ATP5MC3: variants seen among roughly 807,000 people sequenced by gnomAD.
The protein encoded by ATP5MC3 is ATP synthase membrane subunit c locus 3.
A neutral mutation model predicts 15.6 loss-of-function variants in ATP5MC3; 6 were observed. The observed-to-expected ratio is 0.38, with a 90% CI of 0.21 to 0.76. ATP5MC3 has a LOEUF of 0.76. Among genes scored for constraint, ATP5MC3 ranks in the 30% least tolerant of loss-of-function variants. The pLI, the probability that ATP5MC3 is intolerant of heterozygous loss-of-function variation, is 0.44. For missense variants in ATP5MC3, 132 were observed against 171.2 expected (o/e 0.77, Z 1.28); for synonymous variants, 66 against 63.3 (o/e 1.04, Z -0.20).
chr2:175,181,563 C>G (rs1700774254), intron 1 of ATP5MC3, 93 bp downstream of exon 1: 1 of 789,602 alleles, frequency 1.3e-6, no homozygotes, highest in Admixed American at 2.9e-5. Flanking sequence ...CAGCTTGGGC[C>G]CCGTGCCCAG....
rs1420487463 is a variant in ATP5MC3, at chr2:175,181,695, T to G, written c.-113A>C. ...GCGGCGGCACGGGCTGCGGCAGAGG[T>G]CGAAGGAGTGGGACTCAATGCGCAA... On this transcript the variant is annotated 5_prime_UTR_variant, in exon 1 of 5. Transcript: ENST00000284727. 2.3e-6 allele frequency: 1 copy of G among 425,824 alleles called. No individual in the cohort carries two copies. The allele number at this position is 425,824 out of a possible 1,614,324, so 26.4% of individuals were successfully genotyped here.
At chr2:175,180,316 G>C (rs1234198453) in intron 2 of ATP5MC3, 138 bp from the exon 3 acceptor site, 1 of 563,500 alleles carries the variant, frequency 1.8e-6, no homozygotes, top group Non-Finnish European at 2.9e-6. Flanking sequence ...ACTCTTTGCT[G>C]TTTGGTCATT....
In ATP5MC3 at chr2:175,180,160, C is replaced by T. The variant is rs752545228; in HGVS notation, c.58G>A (p.Val20Ile). 42 of 1,596,314 alleles carry T rather than the reference C, an allele frequency of 2.6e-5. No homozygotes were observed. The highest frequency in any genetic ancestry group is 3.5e-5 in the Non-Finnish European group (41 of 1,175,786). Reference protein sequence around the residue: ...TPSLIRAGSRVAYRPISASVL... With the variant: ...TPSLIRAGSRIAYRPISASVL... ...GATGCAGAAATTGGTCTGTATGCAA[C>T]TCTGGATCCAGCTCGGATCTATTAA... Residue 20 changes from valine to isoleucine, a missense_variant, in exon 3 of 5, where the codon GTT (valine) becomes ATT (isoleucine). Around this residue, in one of 2 missense-constraint regions of ATP5MC3, gnomAD observed 90 missense variants for 86.2 expected, o/e 1.04. Transcript: ENST00000284727.
chr2:175,179,560 C>G (rs1006001513), intron 3 of ATP5MC3: 4 of 269,668 alleles, frequency 1.5e-5, no homozygotes, highest in African/African-American at 8.9e-5. Context: ...GAGTGCAGTA[C>G]AGTGTGGTGT....
intron 3 of ATP5MC3, 82 bp downstream of exon 3, chr2:175,180,013 TTAA>T (rs1284571802): frequency 1.7e-6 from 2 of 1,169,788 alleles, no homozygotes; most frequent in East Asian, 5.4e-5. Context: ...CAAACTCTTA[TTAA>T]TAAAGTTTTT....
intron 3 of ATP5MC3, chr2:175,179,824 A>G (rs1700742787): frequency 2.6e-6 from 1 of 382,794 alleles, no homozygotes; most frequent in Non-Finnish European, 4.6e-6. Flanking sequence ...ACATTTTTCA[A>G]TAACTGTAGC....
intron 4 of ATP5MC3, 199 bp from the exon 5 acceptor site, chr2:175,178,601 A>G (rs903417847): frequency 3.2e-5 from 41 of 1,301,382 alleles, no homozygotes; most frequent in Non-Finnish European, 3.9e-5. Flanking sequence ...GTCTGTCAAT[A>G]TAAATGGTTA....
Position 175,179,219 on chromosome 2 carries a change from C to A in ATP5MC3, c.152G>T (p.Gly51Val), listed in dbSNP as rs1446055324. 1 of 1,614,064 alleles carries A rather than the reference C, an allele frequency of 6.2e-7. No individual in the cohort carries two copies. Among genetic ancestry groups the A allele is most frequent in the East Asian group, 2.2e-5 (1 of 44,878 alleles). ...GSTVFNGAQN[G>V]VSQLIQREFQ... ...CTCCCTTTGGATTAGCTGAGACACA[C>A]CATTCTGGGCCCCATTAAATACCGT... The change falls in exon 4 of 5, where the codon GGT (glycine) becomes GTT (valine). Residue 51 changes from glycine (G) to valine (V), a missense_variant. Physicochemically the swap from Gly to Val is moderately radical, Grantham distance 109. This residue lies in a region of ATP5MC3 where 90 missense variants were observed against 86.2 expected (regional missense o/e 1.04). Coordinates refer to ENST00000284727, the MANE Select transcript of ATP5MC3 (RefSeq NM_001689.5).
In ATP5MC3 at chr2:175,181,467, C is replaced by T. The variant is rs1170070290; in HGVS notation, c.-73-1G>A. ...CGTGGGCTCCTCTCCCGCTTCCTCTCTGCGGAGGAAAAGAGGCTTAAGGTC... is the reference window on the plus strand; with the variant it reads ...CGTGGGCTCCTCTCCCGCTTCCTCTTTGCGGAGGAAAAGAGGCTTAAGGTC... On this transcript the variant is annotated splice_acceptor_variant, in intron 1 of 4. Coordinates refer to ENST00000284727, the MANE Select transcript of ATP5MC3 (RefSeq NM_001689.5). LOFTEE classifies it low-confidence loss of function (5UTR_SPLICE). 6.3e-7 allele frequency: 1 copy of T among 1,578,498 alleles called. No homozygotes were observed. The highest frequency in any genetic ancestry group is 8.7e-7 in the Non-Finnish European group (1 of 1,154,138).
rs1313967851 is a variant in ATP5MC3 at position 175,179,160 on chromosome 2, T to G, written c.211A>C (p.Thr71Pro). Residue 71 changes from threonine (T) to proline (P), a missense_variant, in exon 4 of 5, where the codon ACT becomes CCT. Physicochemically the swap from Thr to Pro is conservative, Grantham distance 38 (BLOSUM62 -1). Coordinates refer to ENST00000284727, the MANE Select transcript of ATP5MC3 (RefSeq NM_001689.5). Reference protein sequence around the residue: ...QTSAISRDIDTAAKFIGAGAA... With the variant: ...QTSAISRDIDPAAKFIGAGAA... ...CCTGCACCAATAAATTTGGCAGCAG[T>G]ATCAATGTCTCTGCTGATTGCACTG... The G allele has an allele frequency of 6.2e-7, 1 of 1,614,200 alleles. No individual in the cohort carries two copies. Among genetic ancestry groups the G allele is most frequent in the African/African-American group, 1.3e-5 (1 of 75,036 alleles).
At chr2:175,181,213 G>T in intron 2 of ATP5MC3, 142 bp downstream of exon 2, 1 of 1,023,412 alleles carries the variant, frequency 9.8e-7, no homozygotes, top group Non-Finnish European at 1.4e-6. Context: ...GGAAGAAAAC[G>T]GCAATGGGTT....
chr2:175,180,259 A>G, intron 2 of ATP5MC3, 81 bp from the exon 3 acceptor site: 1 of 1,086,218 alleles, frequency 9.2e-7, no homozygotes, highest in South Asian at 2.0e-5. Context: ...GGTACCATGA[A>G]TTCTAAAAAA....
In ATP5MC3 at chr2:175,181,687, G is replaced by A. The variant is rs268228; in HGVS notation, c.-105C>T. 0.79 allele frequency: 365,648 copies of A among 464,004 alleles called. 145,827 individuals are homozygous for A. Among genetic ancestry groups the A allele is most frequent in the East Asian group, 0.83 (22,161 of 26,716 alleles). 28.7% of individuals were successfully genotyped at this position (464,004 alleles called of 1,614,324 possible). On this transcript the variant is annotated 5_prime_UTR_variant, in exon 1 of 5. Transcript: ENST00000284727. ...AGGAGGCGGCGGCGGCACGGGCTGC[G>A]GCAGAGGTCGAAGGAGTGGGACTCA...
chr2:175,179,115 C>T lies in ATP5MC3; in HGVS notation c.256G>A (p.Ala86Thr). ...GTTCCAATACCAGCACCAGAACCAG[C>T]CACTCCTACTGTTGCAGCACCTGCA... ...IGAGAATVGV[A>T]GSGAGIGTVF... The change falls in exon 4 of 5, where the codon GCT becomes ACT. Residue 86 changes from alanine (A) to threonine (T), a missense_variant. By Grantham distance (58) the Ala-to-Thr change is moderately conservative. Around this residue, in one of 2 missense-constraint regions of ATP5MC3, gnomAD observed 42 missense variants for 85.0 expected, o/e 0.49. Transcript: ENST00000284727. 1 of 1,614,156 alleles carries T rather than the reference C, an allele frequency of 6.2e-7. No homozygotes were observed. Among genetic ancestry groups the T allele is most frequent in the Non-Finnish European group, 8.5e-7 (1 of 1,180,014 alleles).
In ATP5MC3 at chr2:175,176,870, C is replaced by T. The variant is rs1700693270; in HGVS notation, c.*1418G>A. 6.6e-6 allele frequency: 1 copy of T among 152,176 alleles called. No homozygotes were observed. The highest frequency in any genetic ancestry group is 2.1e-4 in the South Asian group (1 of 4,826). The allele number at this position is 152,176 out of a possible 1,614,324, so 9.4% of individuals were successfully genotyped here. Reference sequence around the variant, plus strand: ...TATGGATGTATTTTACTTATCCATTCATCAGCTGATAGACATTTGGTTGTT... The same window carrying T: ...TATGGATGTATTTTACTTATCCATTTATCAGCTGATAGACATTTGGTTGTT... On this transcript the variant is annotated 3_prime_UTR_variant, in exon 5 of 5. Coordinates refer to ENST00000284727, the MANE Select transcript of ATP5MC3 (RefSeq NM_001689.5).
At chr2:175,179,919 A>C in intron 3 of ATP5MC3, 179 bp downstream of exon 3, 1 of 519,210 alleles carries the variant, frequency 1.9e-6, no homozygotes, top group Non-Finnish European at 3.3e-6. Context: ...AAATTTCTCT[A>C]TTCGTCTCAT....
chr2:175,176,366 A>AGTACG lies in ATP5MC3; in HGVS notation c.*1921_*1922insCGTAC, dbSNP rs67632864. 0.042 allele frequency: 6 copies of AGTACG among 144 alleles called. No individual in the cohort carries two copies. Among genetic ancestry groups the AGTACG allele is most frequent in the Non-Finnish European group, 0.087 (4 of 46 alleles). The allele number at this position is 144 out of a possible 1,614,324, so 0.0% of individuals were successfully genotyped here. A position where few individuals can be genotyped will look rare whatever the true frequency, so the allele number is the denominator to read the frequency against. On this transcript the variant is annotated 3_prime_UTR_variant, in exon 5 of 5. Coordinates refer to ENST00000284727, the MANE Select transcript of ATP5MC3 (RefSeq NM_001689.5). Reference sequence around the variant, plus strand: ...TTATACTATGTACTTTGTATTAAATAGTAGTTTCAGTAAGACATGTAAAAT... The same window carrying AGTACG: ...TTATACTATGTACTTTGTATTAAATAGTACGGTAGTTTCAGTAAGACATGTAAAAT...
intron 4 of ATP5MC3, 22 bp from the exon 5 acceptor site, chr2:175,178,424 T>C: frequency 6.4e-7 from 1 of 1,572,108 alleles, no homozygotes; most frequent in Non-Finnish European, 8.6e-7. Context: ...CACATATGAC[T>C]GTTACTTTGA....
Position 175,178,073 on chromosome 2 carries a change from A to T in ATP5MC3, c.*215T>A. The T allele has an allele frequency of 1.2e-6, 1 of 829,678 alleles. No homozygotes were observed. The highest frequency in any genetic ancestry group is 1.8e-5 in the African/African-American group (1 of 56,244). The allele number at this position is 829,678 out of a possible 1,614,324, so 51.4% of individuals were successfully genotyped here. Reference sequence around the variant, plus strand: ...TGCTGTAGCTTCCTCTGAATGGGACAGCATCTGCCTGAATGCACGTTCTTC... The same window carrying T: ...TGCTGTAGCTTCCTCTGAATGGGACTGCATCTGCCTGAATGCACGTTCTTC... On this transcript the variant is annotated 3_prime_UTR_variant, in exon 5 of 5. Transcript: ENST00000284727.
Sources: gnomAD v4.1 joint callset for allele counts on GRCh38, gnomAD v4.1.1 for gene constraint, gnomAD v4.1.1 regional missense constraint, MANE v1.5 for transcripts, NCBI Gene and HGNC (gene_info 2026-07-23, HGNC 2026-07-21) for gene names.